The following USP34 variants were observed in gnomAD, a reference collection of about 807,000 sequenced individuals.
The protein encoded by USP34 is ubiquitin carboxyl-terminal hydrolase 34.
USP34 carries 70 observed loss-of-function variants against 460.3 expected under a neutral mutation model. That is an observed-to-expected ratio of 0.15 (90% CI 0.13 to 0.19). The LOEUF is 0.19. Ranked by LOEUF, USP34 falls within the 10% of genes least tolerant of loss-of-function variation. The probability of loss-of-function intolerance (pLI) is 1.00; values close to 1 mark genes in which losing one functional copy is unlikely to be tolerated. For missense variants in USP34, 3,985 were observed against 4,236.2 expected, an observed-to-expected ratio of 0.94 and a Z score of 1.65; for synonymous variants, 1,647 against 1,405.3, an observed-to-expected ratio of 1.17 and a Z score of -3.85.
At chr2:61,423,923 T>C (rs1694435918) in intron 1 of USP34, among the ~76,000 whole-genome samples, 2 of 152,156 alleles carry the variant, frequency 1.3e-5, no homozygotes, top group African/African-American at 4.8e-5. Context: ...TGCCACTGAC[T>C]CCAGCATGAG....
chr2:61,312,390 T>C (rs571681598), intron 25 of USP34, among the ~76,000 whole-genome samples: 1 of 151,480 alleles, frequency 6.6e-6, no homozygotes, highest in Non-Finnish European at 1.5e-5. Flanking sequence ...GTTAAAATTA[T>C]AAAGTGAATT....
intron 10 of USP34, among the ~76,000 whole-genome samples, chr2:61,366,706 T>C (rs1692451942): frequency 1.3e-5 from 2 of 151,584 alleles, no homozygotes; most frequent in East Asian, 1.9e-4. Context: ...AATAGAAAAA[T>C]ATGTGAAATT....
intron 2 of USP34, among the ~76,000 whole-genome samples, chr2:61,419,301 C>A (rs1694291187): frequency 1.3e-5 from 2 of 151,916 alleles, no homozygotes; most frequent in South Asian, 4.2e-4. Context: ...GCATGAGCCA[C>A]CACACCCGGC....
At chr2:61,238,964 C>CATTATTATAT (rs943271303) in intron 53 of USP34, among the ~76,000 whole-genome samples, 8 of 151,210 alleles carry the variant, frequency 5.3e-5, no homozygotes, top group Non-Finnish European at 8.8e-5. Flanking sequence ...ACATTTTCAT[C>CATTATTATAT]ATTATTATAT....
At chr2:61,259,683 G>A (rs775679013) in intron 44 of USP34, 28 bp downstream of exon 44, 79 of 1,605,058 alleles carry the variant, frequency 4.9e-5, no homozygotes, top group Admixed American at 1.3e-4. Context: ...ACAGTGCCTG[G>A]CCTAGCCTCC....
intron 16 of USP34, among the ~76,000 whole-genome samples, chr2:61,343,087 A>G (rs1234152524): frequency 2.6e-5 from 4 of 152,226 alleles, no homozygotes; most frequent in Non-Finnish European, 5.9e-5. Flanking sequence ...GCCTCTTTGC[A>G]TAAACGTAAT....
At chr2:61,219,212 T>C (rs1021644115) in intron 67 of USP34, among the ~76,000 whole-genome samples, 3 of 152,230 alleles carry the variant, frequency 2.0e-5, no homozygotes, top group Admixed American at 1.3e-4. Context: ...TCAGGTTAGC[T>C]CTGTGTTTCT....
chr2:61,463,322 A>T lies in USP34; in HGVS notation c.43+7328T>A, dbSNP rs529193690. On this transcript the variant is annotated intron_variant, in intron 1 of 79. Coordinates refer to ENST00000398571, the MANE Select transcript of USP34 (RefSeq NM_014709.4). ...CAGCATGGGTGATACACTGTCTCTTAAAAAATAATCAAAAATCAAAAAATT... is the reference window on the plus strand; with the variant it reads ...CAGCATGGGTGATACACTGTCTCTTTAAAAATAATCAAAAATCAAAAAATT... 2.6e-5 allele frequency among the ~76,000 whole-genome samples: 4 copies of T among 152,118 alleles called. No homozygotes were observed. In the East Asian group the frequency reaches 7.7e-4, roughly 29 times the overall value.
In USP34 at chr2:61,470,834, C is replaced by A. The variant is rs1262236623; in HGVS notation, c.-142G>T. The A allele has an allele frequency of 5.8e-6, 1 of 171,924 alleles. No homozygotes were observed. Among genetic ancestry groups the A allele is most frequent in the African/African-American group, 3.1e-5 (1 of 32,080 alleles). 10.6% of individuals were successfully genotyped at this position (171,924 alleles called of 1,614,324 possible). A position where few individuals can be genotyped will look rare whatever the true frequency, so the allele number is the denominator to read the frequency against. Reference sequence around the variant, plus strand: ...CGACTAGGGCGGGCGGCGGCGGGGACGGGGCGGGGAGCAAGAGAATGGGGG... The same window carrying A: ...CGACTAGGGCGGGCGGCGGCGGGGAAGGGGCGGGGAGCAAGAGAATGGGGG... On this transcript the variant is annotated 5_prime_UTR_variant, in exon 1 of 80. Coordinates refer to ENST00000398571, the MANE Select transcript of USP34 (RefSeq NM_014709.4).
At chr2:61,286,072 C>A (rs991206090) in intron 34 of USP34, among the ~76,000 whole-genome samples, 11 of 152,136 alleles carry the variant, frequency 7.2e-5, no homozygotes, top group African/African-American at 2.2e-4. Context: ...CTGTCCCTGG[C>A]AGAAGTGAGA....
Position 61,348,392 on chromosome 2 carries a change from C to A in USP34, c.1763G>T (p.Gly588Val), listed in dbSNP as rs1202841149. 4 of 1,613,998 alleles carry A rather than the reference C, an allele frequency of 2.5e-6. No individual in the cohort carries two copies. The Admixed American group carries it at 5.0e-5, about 20-fold the overall frequency. The stretch of plus-strand genomic sequence containing the variant: ...GCTAGAATTAACCTCATTGCTAGAT[C>A]CATCACTATGCCCACTACTGCTACC... ...GPGSSSGHSD[G>V]SSNEVNSSHA... Residue 588 changes from glycine (G) to valine (V), a missense_variant, in exon 15 of 80, where the codon GGA becomes GTA. Around this residue, in one of 14 missense-constraint regions of USP34, gnomAD observed 716 missense variants for 626.2 expected, o/e 1.14. Transcript: ENST00000398571.
chr2:61,407,455 G>A (rs1249086437), intron 2 of USP34, among the ~76,000 whole-genome samples: 1 of 152,164 alleles, frequency 6.6e-6, no homozygotes, highest in African/African-American at 2.4e-5. Flanking sequence ...TGACAGCTAA[G>A]CAACTATAAT....
chr2:61,288,140 T>C (rs1689742742), intron 34 of USP34, among the ~76,000 whole-genome samples: 1 of 152,176 alleles, frequency 6.6e-6, no homozygotes, highest in Non-Finnish European at 1.5e-5. Context: ...TCTGATAATC[T>C]TATAGCAGAT....
intron 33 of USP34, among the ~76,000 whole-genome samples, chr2:61,293,263 A>G (rs1689917700): frequency 6.6e-6 from 1 of 152,174 alleles, no homozygotes. Flanking sequence ...TAATTTTATC[A>G]GAAGAATTTT....
intron 66 of USP34, among the ~76,000 whole-genome samples, 164 bp from the exon 67 acceptor site, chr2:61,220,621 T>C (rs913454079): frequency 6.6e-6 from 1 of 152,248 alleles, no homozygotes; most frequent in Non-Finnish European, 1.5e-5. Flanking sequence ...AAGCTACTTT[T>C]ACTTTTATCA....
At chr2:61,190,154 T>C (rs1686589187) in intron 78 of USP34, 117 bp downstream of exon 78, 5 of 1,419,582 alleles carry the variant, frequency 3.5e-6, no homozygotes, top group Non-Finnish European at 4.7e-6. Flanking sequence ...TTGTCGCACA[T>C]GGCTTAAGAG....
At chr2:61,242,601 T>C (rs142694014) in intron 51 of USP34, among the ~76,000 whole-genome samples, 1 of 151,714 alleles carries the variant, frequency 6.6e-6, no homozygotes, top group Non-Finnish European at 1.5e-5. Flanking sequence ...AAAAGGAGGC[T>C]GAACAAAGGA....
rs143985083 is a variant in USP34, at chr2:61,283,054, A to G, written c.4998+91T>C. On this transcript the variant is annotated intron_variant, in intron 37 of 79. Transcript: ENST00000398571. ...ATGTGATATATTTATGGACTCACGC[A>G]TATTTGTTTCCATTAGCTCTTTTAT... 223 of 1,362,436 alleles carry G rather than the reference A, an allele frequency of 1.6e-4. No homozygotes were observed. In the African/African-American group the frequency reaches 2.5e-3, roughly 15 times the overall value. 84.4% of individuals were successfully genotyped at this position (1,362,436 alleles called of 1,614,324 possible).
intron 43 of USP34, among the ~76,000 whole-genome samples, chr2:61,263,795 T>C (rs1688968292): frequency 6.6e-6 from 1 of 152,194 alleles, no homozygotes; most frequent in African/African-American, 2.4e-5. Flanking sequence ...AGCTAATTTT[T>C]GTATATCTGG....
Sources: gnomAD v4.1 joint callset for allele counts (sites outside exome capture counted in the v4.1 genomes callset) on GRCh38, gnomAD v4.1.1 for gene constraint, gnomAD v4.1.1 regional missense constraint, MANE v1.5 for transcripts, NCBI Gene and HGNC (gene_info 2026-07-23, HGNC 2026-07-21) for gene names.